TCF4: variants seen among roughly 807,000 people sequenced by gnomAD.
TCF4 encodes the protein SL3-3 enhancer factor 2.
In TCF4, 3 loss-of-function variants were observed where a neutral mutation model predicts 82.1. The observed-to-expected ratio is 0.04, with a 90% confidence interval of 0.02 to 0.09. TCF4 has a LOEUF of 0.09. Among genes scored for constraint, TCF4 ranks in the 10% least tolerant of loss-of-function variants. The probability of loss-of-function intolerance (pLI) is 1.00; values close to 1 mark genes in which losing one functional copy is unlikely to be tolerated. For missense variants in TCF4, 518 were observed against 852.7 expected (o/e 0.61, Z 4.89); for synonymous variants, 276 against 309.6 (o/e 0.89, Z 1.14).
intron 5 of TCF4, among the ~76,000 whole-genome samples, chr18:55,424,367 C>T (rs368412387): frequency 2.0e-5 from 3 of 152,258 alleles, no homozygotes; most frequent in South Asian, 4.2e-4. Context: ...ATCCAGGAAT[C>T]ACTGAACCCA....
intron 5 of TCF4, among the ~76,000 whole-genome samples, chr18:55,407,283 T>C (rs1180040516): frequency 2.0e-5 from 3 of 152,164 alleles, no homozygotes; most frequent in African/African-American, 2.4e-5. Flanking sequence ...AGTCGACATA[T>C]TGGCTAAACA....
intron 6 of TCF4, among the ~76,000 whole-genome samples, chr18:55,353,962 T>C (rs2082872469): frequency 6.6e-6 from 1 of 152,198 alleles, no homozygotes; most frequent in Non-Finnish European, 1.5e-5. Flanking sequence ...TTTCACATTG[T>C]GCAAGCTCAT....
intron 8 of TCF4, among the ~76,000 whole-genome samples, chr18:55,296,193 G>A (rs1285686069): frequency 6.6e-6 from 1 of 151,740 alleles, no homozygotes; most frequent in Non-Finnish European, 1.5e-5. Flanking sequence ...CTCTGAAACT[G>A]ATAATCTCAG....
intron 3 of TCF4, among the ~76,000 whole-genome samples, chr18:55,489,483 C>G (rs550695221): frequency 2.6e-5 from 4 of 151,996 alleles, no homozygotes; most frequent in Non-Finnish European, 5.9e-5. Flanking sequence ...TTAGTCATCA[C>G]CCCAAACAAG....
At chr18:55,495,310 GAAAAA>G (rs775843147) in intron 3 of TCF4, among the ~76,000 whole-genome samples, 1 of 125,582 alleles carries the variant, frequency 8.0e-6, no homozygotes, top group Non-Finnish European at 1.7e-5. Flanking sequence ...AGGTATTTGG[GAAAAA>G]AAAAAAAAAA....
chr18:55,521,995 C>A (rs1343293047), intron 3 of TCF4, among the ~76,000 whole-genome samples: 1 of 152,074 alleles, frequency 6.6e-6, no homozygotes, highest in South Asian at 2.1e-4. Context: ...AACAGGGAAG[C>A]GGTTGGGTTT....
intron 2 of TCF4, among the ~76,000 whole-genome samples, chr18:55,601,439 ACTT>A (rs1450901519): frequency 1.4e-5 from 2 of 148,040 alleles, no homozygotes; most frequent in Admixed American, 1.4e-4. Flanking sequence ...GCCCAACTGG[ACTT>A]CTGATTTTAC....
intron 6 of TCF4, among the ~76,000 whole-genome samples, chr18:55,373,110 C>T (rs1213942590): frequency 1.3e-5 from 2 of 151,898 alleles, no homozygotes; most frequent in Non-Finnish European, 2.9e-5. Flanking sequence ...GTGGCTGTCA[C>T]ATTAGGCTAG....
intron 6 of TCF4, among the ~76,000 whole-genome samples, chr18:55,380,211 C>T (rs1191075664): frequency 6.6e-6 from 1 of 152,008 alleles, no homozygotes; most frequent in East Asian, 1.9e-4. Context: ...ACCATCTTCT[C>T]GTGGTATCCT....
chr18:55,362,089 C>T (rs1385820721), intron 6 of TCF4, among the ~76,000 whole-genome samples: 1 of 152,120 alleles, frequency 6.6e-6, no homozygotes, highest in African/African-American at 2.4e-5. Context: ...CTTGGAGCCT[C>T]CCAACTGTCT....
intron 3 of TCF4, among the ~76,000 whole-genome samples, chr18:55,505,611 C>A (rs960622301): frequency 1.3e-5 from 2 of 151,396 alleles, no homozygotes; most frequent in Non-Finnish European, 1.5e-5. Context: ...GAGACCATCC[C>A]GGCTAAAACG....
chr18:55,302,484 T>A, intron 8 of TCF4: 1 of 1,536,170 alleles, frequency 6.5e-7, no homozygotes, highest in Non-Finnish European at 8.7e-7. Context: ...TTAAATTTCA[T>A]CCTGTGGTGT....
chr18:55,582,554 T>G (rs964193311), intron 3 of TCF4, among the ~76,000 whole-genome samples: 4 of 152,102 alleles, frequency 2.6e-5, no homozygotes, highest in African/African-American at 9.7e-5. Flanking sequence ...TACATTCCAT[T>G]CTCCCTAGCA....
chr18:55,407,862 G>T (rs2094173038), intron 5 of TCF4, among the ~76,000 whole-genome samples: 1 of 151,942 alleles, frequency 6.6e-6, no homozygotes, highest in Non-Finnish European at 1.5e-5. Flanking sequence ...GTATCCTATT[G>T]TAAGGGAACT....
chr18:55,351,333 T>C (rs1433604301), intron 6 of TCF4: 4 of 285,412 alleles, frequency 1.4e-5, no homozygotes, highest in Non-Finnish European at 2.0e-5. Flanking sequence ...AGACTGAGGC[T>C]CATATCTGGG....
At position 55,429,764 on chromosome 18, in the gene TCF4, C is replaced by CAAAAAAAA. The variant is rs35255242; in HGVS notation, c.305-26254_305-26247dup. 1.3e-3 allele frequency among the ~76,000 whole-genome samples: 73 copies of CAAAAAAAA among 57,128 alleles called. 2 individuals are homozygous for CAAAAAAAA. The highest frequency in any genetic ancestry group is 2.6e-3 in the South Asian group (2 of 784). 37.5% of individuals were successfully genotyped at this position (57,128 alleles called of 152,430 possible). A position where few individuals can be genotyped will look rare whatever the true frequency, so the allele number is the denominator to read the frequency against. On this transcript the variant is annotated intron_variant, in intron 5 of 19. Coordinates refer to ENST00000354452, the MANE Select transcript of TCF4 (RefSeq NM_001083962.2). ...TGGGGGACAGAGCAAGACTCCATCT[C>CAAAAAAAA]AAAAAAAAAAAAAAAAAAAAAAAAA... is the stretch of plus-strand genomic sequence containing the variant.
intron 6 of TCF4, chr18:55,401,155 G>T: frequency 7.8e-7 from 1 of 1,283,124 alleles, no homozygotes. Context: ...TGATTCACTG[G>T]AAGACACACT....
chr18:55,240,192 T>C (rs1340965965), intron 15 of TCF4, among the ~76,000 whole-genome samples: 2 of 152,218 alleles, frequency 1.3e-5, no homozygotes, highest in Non-Finnish European at 2.9e-5. Context: ...GTTTCCAATT[T>C]TGGACATAGA....
At chr18:55,250,700 TAA>T (rs927690751) in intron 15 of TCF4, among the ~76,000 whole-genome samples, 3 of 152,180 alleles carry the variant, frequency 2.0e-5, no homozygotes, top group Non-Finnish European at 4.4e-5. Context: ...CACAGAATGT[TAA>T]GTTTCCTCGT....
Sources: gnomAD v4.1 joint callset for allele counts (sites outside exome capture counted in the v4.1 genomes callset) on GRCh38, gnomAD v4.1.1 for gene constraint, MANE v1.5 for transcripts, NCBI Gene and HGNC (gene_info 2026-07-23, HGNC 2026-07-21) for gene names.